RALGPS2: variants seen among roughly 807,000 people sequenced by gnomAD.
RALGPS2 encodes Ral GEF with PH domain and SH3 binding motif 2.
A neutral mutation model predicts 86.8 loss-of-function variants in RALGPS2; 43 were observed. The observed-to-expected ratio is 0.50, with a 90% CI of 0.39 to 0.64. The LOEUF is 0.64. RALGPS2 is among the 30% of genes least tolerant of loss of function. The pLI is 0.00. For missense variants in RALGPS2, 536 were observed against 694.6 expected, an observed-to-expected ratio of 0.77 and a Z score of 2.57; for synonymous variants, 243 against 231.3, an observed-to-expected ratio of 1.05 and a Z score of -0.46.
chr1:178,795,409 CTTGT>C (rs1254492716), intron 4 of RALGPS2, among the ~76,000 whole-genome samples: 8 of 151,808 alleles, frequency 5.3e-5, no homozygotes, highest in Non-Finnish European at 7.4e-5. Context: ...TAAAATATTT[CTTGT>C]TTGTTTGTTT....
rs1221165210 is a variant in RALGPS2 at position 178,902,688 on chromosome 1, T to TAAATTATTCAGAACC, written c.1630+480_1630+494dup. 3.7e-4 allele frequency among the ~76,000 whole-genome samples: 57 copies of TAAATTATTCAGAACC among 152,264 alleles called. 2 individuals are homozygous for TAAATTATTCAGAACC. The East Asian group carries it at 5.4e-3, about 14-fold the overall frequency. ...AAATATTTATTCTATCACTTTTAAT[T>TAAATTATTCAGAACC]AAATTATTCAGAACCAATATTCTGC... On this transcript the variant is annotated intron_variant, in intron 18 of 19. Transcript: ENST00000367635.
chr1:178,809,064 G>A (rs1488542949), intron 5 of RALGPS2, among the ~76,000 whole-genome samples: 2 of 151,838 alleles, frequency 1.3e-5, no homozygotes, highest in Non-Finnish European at 2.9e-5. Context: ...TGCCCAAGCT[G>A]GTCTCGAACT....
intron 16 of RALGPS2, chr1:178,894,275 A>C (rs1479873953): frequency 1.0e-5 from 3 of 293,898 alleles, no homozygotes; most frequent in Non-Finnish European, 1.3e-5. Flanking sequence ...TTCCATTCAC[A>C]AATATAATAC....
intron 1 of RALGPS2, chr1:178,747,511 C>G (rs1172901794): frequency 3.1e-6 from 5 of 1,611,040 alleles, no homozygotes; most frequent in Non-Finnish European, 3.4e-6. Flanking sequence ...TAATGCGGTT[C>G]AGCATGACAA....
chr1:178,884,618 TCC>T (rs1659398717), intron 11 of RALGPS2, among the ~76,000 whole-genome samples: 1 of 152,244 alleles, frequency 6.6e-6, no homozygotes, highest in Non-Finnish European at 1.5e-5. Context: ...TTTTATTTAT[TCC>T]CATAAGCCTG....
intron 1 of RALGPS2, among the ~76,000 whole-genome samples, chr1:178,734,732 C>T (rs1650576751): frequency 6.6e-6 from 1 of 151,992 alleles, no homozygotes; most frequent in South Asian, 2.1e-4. Flanking sequence ...GAAAATGTTG[C>T]ACACTAAATG....
At chr1:178,745,659 T>C (rs1651275260) in intron 1 of RALGPS2, among the ~76,000 whole-genome samples, 2 of 152,160 alleles carry the variant, frequency 1.3e-5, no homozygotes, top group Admixed American at 6.5e-5. Flanking sequence ...GGTCAAGACT[T>C]AAATTACAAA....
chr1:178,856,678 T>C (rs907874631), intron 8 of RALGPS2, among the ~76,000 whole-genome samples: 2 of 152,046 alleles, frequency 1.3e-5, no homozygotes, highest in Non-Finnish European at 2.9e-5. Context: ...TCGGTAATTG[T>C]TAGTTATTTC....
At position 178,902,200 on chromosome 1, in the gene RALGPS2, A is replaced by C; in HGVS notation, c.1619A>C (p.Asp540Ala). 6.2e-7 allele frequency: 1 copy of C among 1,611,326 alleles called. No individual in the cohort carries two copies. The highest frequency in any genetic ancestry group is 8.5e-7 in the Non-Finnish European group (1 of 1,177,848). ...CATCCTGATCTCTTCCTGCTGACTG[A>C]CTCTGAGAAAGGTGAATTGTTAGAA... Reference protein sequence around the residue: ...PEHPDLFLLTDSEKGNSYKFQ... With the variant: ...PEHPDLFLLTASEKGNSYKFQ... Residue 540 changes from aspartate to alanine, a missense_variant, in exon 18 of 20, where the codon GAC becomes GCC. Asp to Ala is a moderately radical substitution (Grantham distance 126, BLOSUM62 -2). Transcript: ENST00000367635.
At chr1:178,880,396 A>G (rs570721324) in intron 10 of RALGPS2, among the ~76,000 whole-genome samples, 96 of 152,310 alleles carry the variant, frequency 6.3e-4, no homozygotes, top group African/African-American at 2.1e-3. Flanking sequence ...CTCTCACACC[A>G]TAATAGCAAC....
Position 178,889,629 on chromosome 1 carries a change from C to T in RALGPS2, c.1193-13C>T. On this transcript the variant is annotated splice_polypyrimidine_tract_variant and intron_variant, in intron 13 of 19. Coordinates refer to ENST00000367635, the MANE Select transcript of RALGPS2 (RefSeq NM_152663.5). ...TTCTGATGTTTAAAAAATAGGATAACTTTTCATTTTAGGTAGCAGCGATGG... is the reference window on the plus strand; with the variant it reads ...TTCTGATGTTTAAAAAATAGGATAATTTTTCATTTTAGGTAGCAGCGATGG... 1 of 1,582,926 alleles carries T rather than the reference C, an allele frequency of 6.3e-7. No homozygotes were observed. Among genetic ancestry groups the T allele is most frequent in the Non-Finnish European group, 8.6e-7 (1 of 1,156,474 alleles).
intron 6 of RALGPS2, among the ~76,000 whole-genome samples, chr1:178,814,611 TTTTTG>T (rs557574017): frequency 6.6e-6 from 1 of 152,080 alleles, no homozygotes; most frequent in Non-Finnish European, 1.5e-5. Context: ...AATTTCTGTT[TTTTTG>T]TTTTGTTTTG....
chr1:178,822,866 A>G (rs1192707140), intron 7 of RALGPS2, among the ~76,000 whole-genome samples: 1 of 152,202 alleles, frequency 6.6e-6, no homozygotes, highest in East Asian at 1.9e-4. Context: ...TTTTGCATCC[A>G]GGCTGGAGTG....
At chr1:178,896,744 G>C (rs1240257988) in intron 16 of RALGPS2, among the ~76,000 whole-genome samples, 1 of 146,912 alleles carries the variant, frequency 6.8e-6, no homozygotes, top group Non-Finnish European at 1.5e-5. Context: ...AGTTTACTGA[G>C]AATGATGATT....
At chr1:178,768,586 C>G (rs943711570) in intron 1 of RALGPS2, among the ~76,000 whole-genome samples, 1 of 152,194 alleles carries the variant, frequency 6.6e-6, no homozygotes, top group Non-Finnish European at 1.5e-5. Context: ...TCCTTGTTTA[C>G]TGGGAGATGC....
intron 6 of RALGPS2, among the ~76,000 whole-genome samples, chr1:178,818,591 A>G (rs998788222): frequency 1.3e-5 from 2 of 148,272 alleles, no homozygotes; most frequent in Non-Finnish European, 2.9e-5. Flanking sequence ...CAGCACTGAC[A>G]CACAGTAAAG....
chr1:178,887,263 G>A (rs972714984), intron 13 of RALGPS2, among the ~76,000 whole-genome samples: 18 of 152,198 alleles, frequency 1.2e-4, no homozygotes, highest in African/African-American at 4.3e-4. Flanking sequence ...AATGAGCCTG[G>A]CCAACATGGC....
At chr1:178,901,998 A>G (rs1013308208) in intron 17 of RALGPS2, 108 bp from the exon 18 acceptor site, 9 of 775,794 alleles carry the variant, frequency 1.2e-5, no homozygotes, top group Non-Finnish European at 1.9e-5. Context: ...GAAGTCACAA[A>G]TCTCATCTTT....
At chr1:178,809,253 A>C (rs1333574758) in intron 5 of RALGPS2, among the ~76,000 whole-genome samples, 1 of 152,044 alleles carries the variant, frequency 6.6e-6, no homozygotes, top group Non-Finnish European at 1.5e-5. Flanking sequence ...AAGGGAGTTG[A>C]AAAATAAGTG....
Sources: allele counts gnomAD v4.1 joint callset (sites outside exome capture counted in the v4.1 genomes callset), GRCh38; gene constraint gnomAD v4.1.1; transcripts MANE v1.5; gene names NCBI Gene and HGNC (gene_info 2026-07-23, HGNC 2026-07-21).